LEFTY2: variants seen among roughly 807,000 people sequenced by gnomAD.
LEFTY2 encodes TGF-beta-4.
A neutral mutation model predicts 26.4 loss-of-function variants in LEFTY2; 10 were observed. That is an observed-to-expected ratio of 0.38 (90% CI 0.23 to 0.64). The LOEUF is 0.64. Ranked by LOEUF, LEFTY2 falls within the 30% of genes least tolerant of loss-of-function variation. The pLI is 0.56. For missense variants in LEFTY2, 407 were observed against 502.1 expected (o/e 0.81, Z 1.81); for synonymous variants, 204 against 234.1 (o/e 0.87, Z 1.17).
chr1:225,939,351 C>G lies in LEFTY2; in HGVS notation c.737+10G>C. On this transcript the variant is annotated intron_variant, in intron 3 of 3. Transcript: ENST00000366820. This position sits in a 1 kb window ranked among gnomAD's most constrained non-coding sequence, Gnocchi z 4.1. ...CTGCTTGCCTCCCTTCTGCCCAGTC[C>G]TGCACCTACCCATAGTCCCTGAGGT... is the stretch of plus-strand genomic sequence containing the variant. The G allele has an allele frequency of 6.2e-7, 1 of 1,613,584 alleles. No individual in the cohort carries two copies. The highest frequency in any genetic ancestry group is 8.5e-7 in the Non-Finnish European group (1 of 1,179,838).
At position 225,937,733 on chromosome 1, in the gene LEFTY2, A is replaced by G. The variant is rs1436268220; in HGVS notation, c.809T>C (p.Ile270Thr). 6 of 1,612,192 alleles carry G rather than the reference A, an allele frequency of 3.7e-6. No individual in the cohort carries two copies. The highest frequency in any genetic ancestry group is 2.2e-5 in the East Asian group (1 of 44,824). Residue 270 changes from isoleucine to threonine, a missense_variant, in exon 4 of 4, where the codon ATT becomes ACT. Ile to Thr is a moderately conservative substitution (Grantham distance 89, BLOSUM62 -1). Transcript: ENST00000366820. ...GTRCCRQEMYIDLQGMKWAKN... is the reference protein window; with the variant it reads ...GTRCCRQEMYTDLQGMKWAKN... ...GGCCCACTTCATCCCCTGCAGGTCA[A>G]TGTACATCTCCTGGCGGCAGCAGCG...
rs990772275 is a variant in LEFTY2 at position 225,940,790 on chromosome 1, A to C, written c.250+101T>G. ...CCGTGGCCCTCACACAGCCTCCCAC[A>C]GAGTCCCAAAAGGCCAGGGGCCCTT... On this transcript the variant is annotated intron_variant, in intron 1 of 3. Coordinates refer to ENST00000366820, the MANE Select transcript of LEFTY2 (RefSeq NM_003240.5). The C allele has an allele frequency of 2.6e-6, 4 of 1,564,822 alleles. No individual in the cohort carries two copies. In the African/African-American group the frequency reaches 5.4e-5, roughly 21 times the overall value.
intron 1 of LEFTY2, among the ~76,000 whole-genome samples, chr1:225,940,538 TG>T (rs1229630485): frequency 6.6e-6 from 1 of 152,096 alleles, no homozygotes. Context: ...CAGACCAGAG[TG>T]GCAGTGTGAA....
chr1:225,940,864 G>C, intron 1 of LEFTY2, 27 bp downstream of exon 1: 1 of 1,613,002 alleles, frequency 6.2e-7, no homozygotes, highest in Non-Finnish European at 8.5e-7. Context: ...CCATGGGACC[G>C]GGGCCAGCAG....
intron 3 of LEFTY2, among the ~76,000 whole-genome samples, chr1:225,938,900 C>G (rs1672224819): frequency 7.2e-6 from 1 of 138,148 alleles, no homozygotes; most frequent in Admixed American, 7.6e-5. Context: ...CAGAATCACG[C>G]TCTGTCCTCC....
Position 225,937,354 on chromosome 1 carries a change from A to G in LEFTY2, c.*87T>C. On this transcript the variant is annotated 3_prime_UTR_variant, in exon 4 of 4. Transcript: ENST00000366820. ...CAGGAGCACTAAATTGGGATGGAGTAACTTGCTAAGTATAAAGTTAAGACC... is the reference window on the plus strand; with the variant it reads ...CAGGAGCACTAAATTGGGATGGAGTGACTTGCTAAGTATAAAGTTAAGACC... The G allele has an allele frequency of 6.2e-7, 1 of 1,601,612 alleles. No individual in the cohort carries two copies. The highest frequency in any genetic ancestry group is 8.5e-7 in the Non-Finnish European group (1 of 1,176,018).
Position 225,940,046 on chromosome 1 carries a change from C to G in LEFTY2, c.251-44G>C, listed in dbSNP as rs428237. The G allele has an allele frequency of 0.033, 49,750 of 1,512,342 alleles. No homozygotes were observed. Among genetic ancestry groups the G allele is most frequent in the East Asian group, 0.16 (6,036 of 38,560 alleles). 93.7% of individuals were successfully genotyped at this position (1,512,342 alleles called of 1,614,324 possible). A position where few individuals can be genotyped will look rare whatever the true frequency, so the allele number is the denominator to read the frequency against. On this transcript the variant is annotated intron_variant, in intron 1 of 3. Transcript: ENST00000366820. ...TCAGCAGGGCCTCCCCGGACTCCAG[C>G]GGAGCTCTGAGGATGGCAGGGCCAC...
rs1327258647 is a variant in LEFTY2 at position 225,939,611 on chromosome 1, A to G, written c.498-11T>C. Reference sequence around the variant, plus strand: ...TGGACGGACACCAGCCTGAGACATGATACACACGACACGGAGACCCAGCGC... The same window carrying G: ...TGGACGGACACCAGCCTGAGACATGGTACACACGACACGGAGACCCAGCGC... On this transcript the variant is annotated splice_polypyrimidine_tract_variant and intron_variant, in intron 2 of 3. Transcript: ENST00000366820. The surrounding 1 kb of genome is among the most constrained non-coding windows in gnomAD (Gnocchi z 4.1). 6.2e-7 allele frequency: 1 copy of G among 1,612,444 alleles called. No homozygotes were observed. Among genetic ancestry groups the G allele is most frequent in the South Asian group, 1.1e-5 (1 of 91,074 alleles).
At chr1:225,938,959 C>G (rs552634573) in intron 3 of LEFTY2, among the ~76,000 whole-genome samples, 106 of 146,090 alleles carry the variant, frequency 7.3e-4, no homozygotes, top group African/African-American at 2.6e-3. Context: ...GCAACCTTCA[C>G]CTCCCGGATT....
rs912303184 is a variant in LEFTY2, at chr1:225,936,852, C to T, written c.*589G>A. ...GCTCCTCCTTTTTAAGAGGAAATGA[C>T]GAGCCAAAGCCTTCTGCGTTTGTTA... On this transcript the variant is annotated 3_prime_UTR_variant, in exon 4 of 4. Transcript: ENST00000366820. 5.2e-5 allele frequency: 8 copies of T among 155,276 alleles called. No individual in the cohort carries two copies. The highest frequency in any genetic ancestry group is 1.4e-4 in the African/African-American group (6 of 41,534). The allele number at this position is 155,276 out of a possible 1,614,324, so 9.6% of individuals were successfully genotyped here.
At chr1:225,938,783 C>G (rs1672219430) in intron 3 of LEFTY2, among the ~76,000 whole-genome samples, 2 of 151,894 alleles carry the variant, frequency 1.3e-5, no homozygotes. Flanking sequence ...CTCAGCTTCC[C>G]AAAGTGTTGG....
Position 225,939,937 on chromosome 1 carries a change from G to C in LEFTY2, c.316C>G (p.Arg106Gly). The change falls in exon 2 of 4, where the codon CGG becomes GGG. Residue 106 changes from arginine to glycine, a missense_variant. Transcript: ENST00000366820. The surrounding 1 kb of genome is among the most constrained non-coding windows in gnomAD (Gnocchi z 4.1). ...THLLVFGMEQ[R>G]LPPNSELVQA... ...ACCAGCTCGCTGTTGGGCGGCAGCC[G>C]CTGCTCCATGCCGAACACCAGCAGG... 12 of 1,592,112 alleles carry C rather than the reference G, an allele frequency of 7.5e-6. No homozygotes were observed. The highest frequency in any genetic ancestry group is 1.0e-5 in the Non-Finnish European group (12 of 1,178,218).
chr1:225,941,103 A>G lies in LEFTY2; in HGVS notation c.38T>C (p.Leu13Pro), dbSNP rs758215895. 2.5e-6 allele frequency: 4 copies of G among 1,587,136 alleles called. No individual in the cohort carries two copies. In the South Asian group the frequency reaches 4.5e-5, roughly 18 times the overall value. Reference protein sequence around the residue: ...PLWLCWALWVLPLAGPGAALT... With the variant: ...PLWLCWALWVPPLAGPGAALT... ...GGCCGCCCCGGGGCCAGCCAGGGGC[A>G]GCACCCAGAGTGCCCAGCAGAGCCA... Residue 13 changes from leucine to proline, a missense_variant, in exon 1 of 4, where the codon CTG (leucine) becomes CCG (proline). Physicochemically the swap from Leu to Pro is moderately conservative, Grantham distance 98. Transcript: ENST00000366820.
chr1:225,940,100 G>C, intron 1 of LEFTY2, 98 bp from the exon 2 acceptor site: 1 of 1,561,172 alleles, frequency 6.4e-7, no homozygotes, highest in Non-Finnish European at 8.6e-7. Context: ...AGGAGACACC[G>C]GCCCTGTTCT....
rs1249174715 is a variant in LEFTY2, at chr1:225,937,411, G to A, written c.*30C>T. ...AAGACCACCTCTATGCACACGTTCA[G>A]TTAGAGGGCTCAATGGATACACCAG... On this transcript the variant is annotated 3_prime_UTR_variant, in exon 4 of 4. Transcript: ENST00000366820. The A allele has an allele frequency of 1.9e-6, 3 of 1,613,560 alleles. No homozygotes were observed. In the Admixed American group the frequency reaches 5.0e-5, roughly 27 times the overall value.
At position 225,937,589 on chromosome 1, in the gene LEFTY2, G is replaced by A. The variant is rs1234820812; in HGVS notation, c.953C>T (p.Ala318Val). 1.9e-6 allele frequency: 3 copies of A among 1,614,120 alleles called. No individual in the cohort carries two copies. Among genetic ancestry groups the A allele is most frequent in the East Asian group, 4.5e-5 (2 of 44,880 alleles). Residue 318 changes from alanine (A) to valine (V), a missense_variant, in exon 4 of 4, where the codon GCC (alanine) becomes GTC (valine). Physicochemically the swap from Ala to Val is moderately conservative, Grantham distance 64 (BLOSUM62 0). Transcript: ENST00000366820. ...WPFLGPRQCI[A>V]SETASLPMIV... is the part of the protein sequence containing the mutation. ...CATGGGCAGCGAGGCAGTCTCCGAG[G>A]CGATACACTGTCGCGGCCCCAGAAA...
In LEFTY2 at chr1:225,937,434, C is replaced by G; in HGVS notation, c.*7G>C. On this transcript the variant is annotated 3_prime_UTR_variant, in exon 4 of 4. Coordinates refer to ENST00000366820, the MANE Select transcript of LEFTY2 (RefSeq NM_003240.5). The stretch of plus-strand genomic sequence containing the variant: ...CAGTTAGAGGGCTCAATGGATACAC[C>G]AGGCGCCTATGGCTGGAGCCTCCTT... The G allele has an allele frequency of 1.2e-6, 2 of 1,613,980 alleles. No individual in the cohort carries two copies. The highest frequency in any genetic ancestry group is 1.7e-6 in the Non-Finnish European group (2 of 1,180,050).
rs192266728 is a variant in LEFTY2 at position 225,937,947 on chromosome 1, A to T, written c.738-143T>A. ...CTAAAAGCTGGATATTTGTGAGAAG[A>T]TGAATAAACATATCTGAAACATAAA... On this transcript the variant is annotated intron_variant, in intron 3 of 3. Transcript: ENST00000366820. The T allele has an allele frequency of 2.6e-4, 285 of 1,111,756 alleles. No homozygotes were observed. The African/African-American group carries it at 4.2e-3, about 17-fold the overall frequency. The allele number at this position is 1,111,756 out of a possible 1,614,324, so 68.9% of individuals were successfully genotyped here.
Position 225,937,691 on chromosome 1 carries a change from T to C in LEFTY2, c.851A>G (p.Glu284Gly), listed in dbSNP as rs1175922778. 6.2e-7 allele frequency: 1 copy of C among 1,613,580 alleles called. No homozygotes were observed. The highest frequency in any genetic ancestry group is 2.2e-5 in the East Asian group (1 of 44,878). Residue 284 changes from glutamate to glycine, a missense_variant, in exon 4 of 4, where the codon GAG becomes GGG. Transcript: ENST00000366820. ...GMKWAKNWVL[E>G]PPGFLAYECV... ...CTCGTAAGCCAGGAAGCCCGGGGGCTCCAGCACCCAGTTCTTGGCCCACTT... is the reference window on the plus strand; with the variant it reads ...CTCGTAAGCCAGGAAGCCCGGGGGCCCCAGCACCCAGTTCTTGGCCCACTT...
Sources: allele counts gnomAD v4.1 joint callset (sites outside exome capture counted in the v4.1 genomes callset), GRCh38; gene constraint gnomAD v4.1.1; non-coding constraint Gnocchi (gnomAD v3.1); transcripts MANE v1.5; gene names NCBI Gene and HGNC (gene_info 2026-07-23, HGNC 2026-07-21).